The following SLIT2 variants were observed in gnomAD, a reference collection of about 807,000 sequenced individuals.
SLIT2 encodes slit homolog 2 protein.
Under a neutral mutation model 185.7 loss-of-function variants are expected in SLIT2, and 41 were observed. The ratio of observed to expected loss-of-function variants is 0.22; its 90% CI spans 0.17 to 0.29. The LOEUF (loss-of-function observed/expected upper bound fraction) is 0.29. SLIT2 is among the 10% of genes least tolerant of loss of function. The pLI is 1.00. For missense variants in SLIT2, 1,571 were observed against 1,909.0 expected (o/e 0.82, Z 3.30); for synonymous variants, 693 against 680.2 (o/e 1.02, Z -0.29).
At chr4:20,435,337 C>T (rs1196886328) in intron 4 of SLIT2, among the ~76,000 whole-genome samples, 1 of 152,166 alleles carries the variant, frequency 6.6e-6, no homozygotes, top group Non-Finnish European at 1.5e-5. Flanking sequence ...CTTAACTCCA[C>T]TGGGAGAAAA....
intron 6 of SLIT2, among the ~76,000 whole-genome samples, chr4:20,483,593 G>A (rs890485934): frequency 1.3e-5 from 2 of 151,974 alleles, no homozygotes; most frequent in East Asian, 3.9e-4. Flanking sequence ...TAATTTAATT[G>A]TAGTGATTCA....
rs764004481 is a variant in SLIT2, at chr4:20,491,744, GTTTA to G, written c.776-13_776-10del. 6.2e-7 allele frequency: 1 copy of G among 1,604,352 alleles called. No homozygotes were observed. Among genetic ancestry groups the G allele is most frequent in the Non-Finnish European group, 8.5e-7 (1 of 1,175,950 alleles). On this transcript the variant is annotated splice_polypyrimidine_tract_variant and intron_variant, in intron 8 of 36. Transcript: ENST00000504154. ...ATTCAGGAGGAAAAATATAATTCCT[GTTTA>G]TTTCTTTTTTAGGTCACCAGTCATT...
chr4:20,543,330 C>T (rs1473990695), intron 21 of SLIT2, among the ~76,000 whole-genome samples: 2 of 152,150 alleles, frequency 1.3e-5, no homozygotes, highest in African/African-American at 4.8e-5. Flanking sequence ...CCCACGCTCC[C>T]TTGGCTGCCT....
At chr4:20,402,085 G>A (rs766258546) in intron 4 of SLIT2, among the ~76,000 whole-genome samples, 1 of 151,824 alleles carries the variant, frequency 6.6e-6, no homozygotes, top group Non-Finnish European at 1.5e-5. Context: ...AGCAGTGGAA[G>A]AACAGGTATC....
chr4:20,321,058 C>T lies in SLIT2; in HGVS notation c.395+52177C>T, dbSNP rs547831221. ...GTAATCCAGCTACTTGAAAGGGAGG[C>T]GGAGGTTGTAGTGAGACTAGATTGC... On this transcript the variant is annotated intron_variant, in intron 4 of 36. Coordinates refer to ENST00000504154, the MANE Select transcript of SLIT2 (RefSeq NM_004787.4). 1.2e-4 allele frequency among the ~76,000 whole-genome samples: 19 copies of T among 152,164 alleles called. No individual in the cohort carries two copies. In the South Asian group the frequency reaches 1.9e-3, roughly 15 times the overall value.
At chr4:20,326,605 C>G (rs973538374) in intron 4 of SLIT2, among the ~76,000 whole-genome samples, 19 of 151,920 alleles carry the variant, frequency 1.3e-4, no homozygotes, top group African/African-American at 4.6e-4. Flanking sequence ...CAAAGCCTGG[C>G]TTAAGACTAA....
intron 29 of SLIT2, among the ~76,000 whole-genome samples, chr4:20,573,599 C>T (rs1206659698): frequency 2.0e-5 from 3 of 151,978 alleles, no homozygotes; most frequent in Non-Finnish European, 4.4e-5. Flanking sequence ...ATATCACAAA[C>T]ATATTATTTT....
chr4:20,399,596 T>C (rs942057179), intron 4 of SLIT2, among the ~76,000 whole-genome samples: 5 of 151,834 alleles, frequency 3.3e-5, no homozygotes, highest in African/African-American at 9.7e-5. Flanking sequence ...CAAGTGTTCC[T>C]TGAGTACCTA....
intron 26 of SLIT2, among the ~76,000 whole-genome samples, chr4:20,562,688 G>T (rs1051899908): frequency 2.6e-5 from 4 of 151,748 alleles, no homozygotes; most frequent in Admixed American, 1.3e-4. Flanking sequence ...TAACAAATAT[G>T]CATTTGGTAT....
chr4:20,339,512 G>A (rs534018955), intron 4 of SLIT2, among the ~76,000 whole-genome samples: 2 of 152,310 alleles, frequency 1.3e-5, no homozygotes, highest in Non-Finnish European at 1.5e-5. Context: ...AATGGTTAAA[G>A]AGACTCTTAG....
intron 4 of SLIT2, among the ~76,000 whole-genome samples, chr4:20,403,176 T>G (rs1577586275): frequency 6.6e-6 from 1 of 152,074 alleles, no homozygotes; most frequent in East Asian, 1.9e-4. Context: ...ATACATTTTT[T>G]TAAGTTGATT....
rs201084118 is a variant in SLIT2, at chr4:20,362,926, AT to A, written c.395+94056del. On this transcript the variant is annotated intron_variant, in intron 4 of 36. Transcript: ENST00000504154. ...AAATTTATTTTCCAAGAGGAATGAA[AT>A]TTTTTTTTTTAAAAAAGGGATTTTA... 2.3e-3 allele frequency among the ~76,000 whole-genome samples: 331 copies of A among 142,276 alleles called. 5 individuals carry two copies. Among genetic ancestry groups the A allele is most frequent in the African/African-American group, 7.0e-3 (283 of 40,154 alleles). 93.3% of individuals were successfully genotyped at this position (142,276 alleles called of 152,430 possible).
At position 20,431,150 on chromosome 4, in the gene SLIT2, T is replaced by G. The variant is rs1180811363; in HGVS notation, c.396-36602T>G. On this transcript the variant is annotated intron_variant, in intron 4 of 36. Coordinates refer to ENST00000504154, the MANE Select transcript of SLIT2 (RefSeq NM_004787.4). ...TAATGTTAATGAATGGGTTTTCCTC[T>G]AACTCATATCGTATCTTCTTCAAGG... Among the ~76,000 whole-genome samples, 4 of 152,220 alleles carry G rather than the reference T, an allele frequency of 2.6e-5. No homozygotes were observed. The East Asian group carries it at 7.7e-4, about 29-fold the overall frequency.
intron 12 of SLIT2, among the ~76,000 whole-genome samples, chr4:20,520,336 G>GA (rs1398826146): frequency 6.6e-6 from 1 of 152,034 alleles, no homozygotes; most frequent in Non-Finnish European, 1.5e-5. Flanking sequence ...AGTAAAGTTG[G>GA]AAAAAAATGC....
intron 21 of SLIT2, 112 bp from the exon 22 acceptor site, chr4:20,545,919 C>A: frequency 2.1e-6 from 1 of 478,372 alleles, no homozygotes; most frequent in Non-Finnish European, 3.7e-6. Flanking sequence ...CATCTTAAAG[C>A]AAAAATTGCC....
chr4:20,504,180 T>C lies in SLIT2; in HGVS notation c.915-6315T>C, dbSNP rs3775810. Reference sequence around the variant, plus strand: ...TCCTTAACATCAAAGAAAAGGAATATTGTCTTCCTCCTTTTCAAATGATGG... The same window carrying C: ...TCCTTAACATCAAAGAAAAGGAATACTGTCTTCCTCCTTTTCAAATGATGG... On this transcript the variant is annotated intron_variant, in intron 9 of 36. Transcript: ENST00000504154. Among the ~76,000 whole-genome samples the C allele has an allele frequency of 9.1e-3, 1,382 of 152,272 alleles. 47 individuals carry two copies. Among genetic ancestry groups the C allele is most frequent in the Admixed American group, 0.07 (1,069 of 15,280 alleles).
At chr4:20,287,197 C>T (rs893541082) in intron 4 of SLIT2, among the ~76,000 whole-genome samples, 2 of 152,292 alleles carry the variant, frequency 1.3e-5, no homozygotes, top group African/African-American at 4.8e-5. Flanking sequence ...GGACATGCCT[C>T]TGATATTTCT....
chr4:20,412,204 TA>T lies in SLIT2; in HGVS notation c.396-55537del, dbSNP rs548038361. On this transcript the variant is annotated intron_variant, in intron 4 of 36. Transcript: ENST00000504154. ...GATGGTCATTTTCAGCTTGGTTAAT[TA>T]AAAAAAAAAAGAATGCTCACGTTCT... Among the ~76,000 whole-genome samples the T allele has an allele frequency of 3.3e-3, 487 of 146,308 alleles. 3 individuals are homozygous for T. The highest frequency in any genetic ancestry group is 4.1e-3 in the African/African-American group (166 of 40,004).
intron 4 of SLIT2, among the ~76,000 whole-genome samples, chr4:20,437,615 A>T (rs2148694090): frequency 6.6e-6 from 1 of 152,048 alleles, no homozygotes; most frequent in East Asian, 1.9e-4. Context: ...ACCTTATCTT[A>T]TAAAAACCCA....
Sources: gnomAD v4.1 joint callset for allele counts (sites outside exome capture counted in the v4.1 genomes callset) on GRCh38, gnomAD v4.1.1 for gene constraint, MANE v1.5 for transcripts, NCBI Gene and HGNC (gene_info 2026-07-23, HGNC 2026-07-21) for gene names.